The following BEST3 variants were observed in gnomAD, a reference collection of about 807,000 sequenced individuals.
BEST3 encodes bestrophin 3.
In BEST3, 50 loss-of-function variants were observed where a neutral mutation model predicts 47.1. That is an observed-to-expected ratio of 1.06 (90% CI 0.85 to 1.34). The LOEUF (loss-of-function observed/expected upper bound fraction) is 1.34. Among genes scored for constraint, BEST3 ranks in the 40% most tolerant of loss-of-function variants. The pLI is 0.00. For missense variants in BEST3, 765 were observed against 817.0 expected, an observed-to-expected ratio of 0.94 and a Z score of 0.78; for synonymous variants, 282 against 298.8, an observed-to-expected ratio of 0.94 and a Z score of 0.58.
chr12:69,682,572 A>AT (rs71094727), intron 4 of BEST3, among the ~76,000 whole-genome samples: 4 of 150,894 alleles, frequency 2.7e-5, no homozygotes, highest in East Asian at 2.0e-4. Flanking sequence ...GCATGATTAA[A>AT]TTTTTTTTTT....
At chr12:69,681,057 C>T (rs745426044) in intron 4 of BEST3, among the ~76,000 whole-genome samples, 1 of 151,904 alleles carries the variant, frequency 6.6e-6, no homozygotes, top group Non-Finnish European at 1.5e-5. Flanking sequence ...AATGACTCTC[C>T]TGGTATTTAC....
chr12:69,662,915 C>G (rs967123386), intron 9 of BEST3, among the ~76,000 whole-genome samples: 2 of 152,208 alleles, frequency 1.3e-5, no homozygotes, highest in African/African-American at 4.8e-5. Context: ...AGCAAGCACT[C>G]TGGACACACT....
At chr12:69,689,273 T>G in intron 4 of BEST3, 1 of 985,766 alleles carries the variant, frequency 1.0e-6, no homozygotes, top group Non-Finnish European at 1.2e-6. Flanking sequence ...GTCAGCCCTC[T>G]CTGCTGGGGA....
intron 4 of BEST3, 111 bp from the exon 5 acceptor site, chr12:69,679,004 A>G (rs771211639): frequency 9.7e-5 from 89 of 918,142 alleles, no homozygotes; most frequent in South Asian, 1.4e-4. Context: ...TTAAAGAAAT[A>G]TGGAATAAAG....
intron 4 of BEST3, among the ~76,000 whole-genome samples, chr12:69,688,730 C>T (rs560390287): frequency 1.3e-5 from 2 of 152,182 alleles, no homozygotes; most frequent in South Asian, 2.1e-4. Flanking sequence ...AAAACCCTTG[C>T]AGAAGAAAGA....
chr12:69,676,930 C>A lies in BEST3; in HGVS notation c.853G>T (p.Ala285Ser), dbSNP rs1267334049. 11 of 1,613,548 alleles carry A rather than the reference C, an allele frequency of 6.8e-6. No individual in the cohort carries two copies. The South Asian group carries it at 1.1e-4, about 16-fold the overall frequency. The change falls in exon 7 of 10, where the codon GCA (alanine) becomes TCA (serine). Residue 285 changes from alanine (A) to serine (S), a missense_variant. Coordinates refer to ENST00000330891, the MANE Select transcript of BEST3 (RefSeq NM_032735.3). ...IFTLLQFFFYAGWLKVAEQLI... is the reference protein window; with the variant it reads ...IFTLLQFFFYSGWLKVAEQLI... ...CCACTGGCTACCTTAAGCCATCCTG[C>A]ATAGAAGAAGAATTGTAGGAGGGTG...
Position 69,697,693 on chromosome 12 carries a change from A to G in BEST3, c.106T>C (p.Phe36Leu). The change falls in exon 2 of 10, where the codon TTT (phenylalanine) becomes CTT (leucine). Residue 36 changes from phenylalanine (F) to leucine (L), a missense_variant. Phe to Leu is a conservative substitution (Grantham distance 22). Coordinates refer to ENST00000330891, the MANE Select transcript of BEST3 (RefSeq NM_032735.3). The stretch of plus-strand genomic sequence containing the variant: ...GTATAAAGAACAGCAAAAACAATAA[A>G]TTCCCTGTACAGTAGTTTGTAGATG... Reference protein sequence around the residue: ...GSIYKLLYREFIVFAVLYTAI... With the variant: ...GSIYKLLYRELIVFAVLYTAI... The G allele has an allele frequency of 3.1e-6, 5 of 1,610,532 alleles. No homozygotes were observed. The highest frequency in any genetic ancestry group is 4.2e-6 in the Non-Finnish European group (5 of 1,178,532).
intron 9 of BEST3, among the ~76,000 whole-genome samples, chr12:69,663,033 G>T (rs1883963311): frequency 6.6e-6 from 1 of 152,178 alleles, no homozygotes; most frequent in Non-Finnish European, 1.5e-5. Flanking sequence ...GCCCTTAAGG[G>T]ATTATCTTCT....
intron 9 of BEST3, chr12:69,669,578 TG>T (rs1884435164): frequency 6.6e-6 from 1 of 152,214 alleles, no homozygotes; most frequent in African/African-American, 2.4e-5. Context: ...TAGCTTAAAG[TG>T]ATTTAATCTT....
chr12:69,688,018 G>C (rs1334238164), intron 4 of BEST3, among the ~76,000 whole-genome samples: 1 of 152,176 alleles, frequency 6.6e-6, no homozygotes, highest in Admixed American at 6.5e-5. Flanking sequence ...AATAGTTCTA[G>C]CACCAGCTTG....
intron 1 of BEST3, among the ~76,000 whole-genome samples, chr12:69,698,054 T>C (rs1886199035): frequency 6.6e-6 from 1 of 152,216 alleles, no homozygotes; most frequent in Non-Finnish European, 1.5e-5. Flanking sequence ...GCCTTAACTG[T>C]TAAATATTAT....
chr12:69,697,636 A>G lies in BEST3; in HGVS notation c.152+11T>C, dbSNP rs776397761. On this transcript the variant is annotated intron_variant, in intron 2 of 9. Transcript: ENST00000330891. ...TGATGGCCATTTAAGGAGACATGTA[A>G]AGAAAAGTACCTGTATACCAAACTT... 1.4e-5 allele frequency: 21 copies of G among 1,549,442 alleles called. No homozygotes were observed. Among genetic ancestry groups the G allele is most frequent in the Non-Finnish European group, 1.6e-5 (18 of 1,149,086 alleles).
At chr12:69,688,978 G>T in intron 4 of BEST3, 1 of 482,116 alleles carries the variant, frequency 2.1e-6, no homozygotes, top group Non-Finnish European at 2.7e-6. Context: ...TTTCTTACAG[G>T]TGATTTTATG....
intron 2 of BEST3, among the ~76,000 whole-genome samples, chr12:69,695,974 A>G (rs977505674): frequency 5.9e-5 from 9 of 152,172 alleles, no homozygotes; most frequent in Admixed American, 3.3e-4. Context: ...TCCTCCAAAA[A>G]TAGAAATAAA....
At chr12:69,674,818 A>G (rs910340321) in intron 7 of BEST3, among the ~76,000 whole-genome samples, 8 of 151,978 alleles carry the variant, frequency 5.3e-5, no homozygotes, top group Admixed American at 3.9e-4. Context: ...CTTAGAAAAC[A>G]TTTATAAATA....
At chr12:69,648,553 A>G (rs1219743510) in intron 9 of BEST3, among the ~76,000 whole-genome samples, 2 of 152,212 alleles carry the variant, frequency 1.3e-5, no homozygotes, top group Non-Finnish European at 2.9e-5. Flanking sequence ...GAACTTCAGA[A>G]GGCATGTTCT....
At chr12:69,650,749 G>A (rs901006818), downstream of BEST3, among the ~76,000 whole-genome samples, 1 of 152,148 alleles carries the variant, frequency 6.6e-6, no homozygotes, top group Non-Finnish European at 1.5e-5. Context: ...TTGAGGGGAT[G>A]GAGACACATA....
chr12:69,664,368 C>T (rs1436070309), intron 9 of BEST3, among the ~76,000 whole-genome samples: 3 of 152,114 alleles, frequency 2.0e-5, no homozygotes, highest in African/African-American at 7.2e-5. Flanking sequence ...GCACCATCTC[C>T]CCCTCTCCCC....
chr12:69,696,136 G>C (rs1024686498), intron 2 of BEST3, among the ~76,000 whole-genome samples: 1 of 152,024 alleles, frequency 6.6e-6, no homozygotes, highest in Non-Finnish European at 1.5e-5. Flanking sequence ...TCATCCTATA[G>C]TTCTTGGTAT....
Sources: gnomAD v4.1 joint callset for allele counts (sites outside exome capture counted in the v4.1 genomes callset) on GRCh38, gnomAD v4.1.1 for gene constraint, MANE v1.5 for transcripts, NCBI Gene and HGNC (gene_info 2026-07-23, HGNC 2026-07-21) for gene names.